GRIN2A: variants seen among roughly 807,000 people sequenced by gnomAD.
GRIN2A encodes glutamate receptor ionotropic, NMDA 2A.
GRIN2A carries 22 observed loss-of-function variants against 113.4 expected under a neutral mutation model. That is an observed-to-expected ratio of 0.19 (90% CI 0.14 to 0.28). The LOEUF is 0.28. GRIN2A is among the 10% of genes least tolerant of loss of function. The pLI is 1.00. For missense variants in GRIN2A, 1,502 were observed against 1,887.0 expected (o/e 0.80, Z 3.78); for synonymous variants, 827 against 738.4 (o/e 1.12, Z -1.94).
At chr16:9,999,691 TA>T (rs766034433) in intron 2 of GRIN2A, among the ~76,000 whole-genome samples, 9 of 152,034 alleles carry the variant, frequency 5.9e-5, no homozygotes, top group Non-Finnish European at 1.2e-4. Flanking sequence ...CATACCTCTT[TA>T]ACAAAACTGC....
intron 2 of GRIN2A, among the ~76,000 whole-genome samples, chr16:10,167,839 G>T (rs998048834): frequency 6.6e-6 from 1 of 152,162 alleles, no homozygotes; most frequent in Non-Finnish European, 1.5e-5. Flanking sequence ...TTTCTTTGGG[G>T]GGATGTGGGG....
intron 2 of GRIN2A, among the ~76,000 whole-genome samples, chr16:10,032,914 G>T (rs1479028879): frequency 6.6e-6 from 1 of 152,184 alleles, no homozygotes; most frequent in Non-Finnish European, 1.5e-5. Context: ...CCAATGGAGA[G>T]TTTCTTGTGT....
At chr16:9,985,887 A>T (rs1313783264) in intron 2 of GRIN2A, among the ~76,000 whole-genome samples, 2 of 152,194 alleles carry the variant, frequency 1.3e-5, no homozygotes, top group Non-Finnish European at 2.9e-5. Flanking sequence ...GAGGTGATGG[A>T]TACCCCATCT....
rs183526699 is a variant in GRIN2A, at chr16:10,141,098, G to T, written c.414+38900C>A. Among the ~76,000 whole-genome samples, 43 of 152,206 alleles carry T rather than the reference G, an allele frequency of 2.8e-4. No homozygotes were observed. In the South Asian group the frequency reaches 8.7e-3, roughly 31 times the overall value. ...AGTCCAAGCTACTCAGGAGGCTGAG[G>T]TGGGAGGATCGCTTGAACCCCGGAG... On this transcript the variant is annotated intron_variant, in intron 2 of 12. Transcript: ENST00000330684.
intron 2 of GRIN2A, among the ~76,000 whole-genome samples, chr16:10,163,390 G>T (rs1036588027): frequency 6.6e-6 from 1 of 152,078 alleles, no homozygotes; most frequent in Non-Finnish European, 1.5e-5. Flanking sequence ...CTTTTTCAGG[G>T]CATGGTTAAT....
At chr16:10,060,542 A>G (rs954130678) in intron 2 of GRIN2A, among the ~76,000 whole-genome samples, 8 of 152,230 alleles carry the variant, frequency 5.3e-5, no homozygotes, top group Non-Finnish European at 1.2e-4. Flanking sequence ...AAAGAGGATT[A>G]TCTGCTGTTC....
intron 2 of GRIN2A, among the ~76,000 whole-genome samples, chr16:9,977,405 T>C (rs528085828): frequency 1.3e-5 from 2 of 152,330 alleles, no homozygotes; most frequent in Non-Finnish European, 2.9e-5. Flanking sequence ...CTCCATTTCC[T>C]AATCTGTAAA....
chr16:9,793,380 A>C (rs1254836473), intron 11 of GRIN2A, among the ~76,000 whole-genome samples: 1 of 151,962 alleles, frequency 6.6e-6, no homozygotes, highest in African/African-American at 2.4e-5. Context: ...GCTTCTTCAA[A>C]CCCCACAATC....
intron 7 of GRIN2A, among the ~76,000 whole-genome samples, chr16:9,839,232 C>G (rs776808289): frequency 2.6e-5 from 4 of 152,046 alleles, no homozygotes; most frequent in Non-Finnish European, 5.9e-5. Flanking sequence ...TTATGATAAC[C>G]AAACAGTTAA....
At chr16:9,961,283 A>G (rs557524123) in intron 2 of GRIN2A, among the ~76,000 whole-genome samples, 119 of 149,676 alleles carry the variant, frequency 8.0e-4, no homozygotes, top group African/African-American at 2.9e-3. Context: ...AACCCAATAG[A>G]AGGTCACATG....
intron 2 of GRIN2A, among the ~76,000 whole-genome samples, chr16:10,108,757 C>T (rs1480942366): frequency 6.6e-6 from 1 of 152,168 alleles, no homozygotes; most frequent in Admixed American, 6.5e-5. Context: ...TCACCAAGCA[C>T]ATTACCATGT....
intron 2 of GRIN2A, among the ~76,000 whole-genome samples, chr16:10,155,289 G>C (rs1567337736): frequency 6.6e-6 from 1 of 152,134 alleles, no homozygotes; most frequent in African/African-American, 2.4e-5. Flanking sequence ...TGAGTTTGCA[G>C]GAAGAAGTTT....
chr16:9,919,929 A>C (rs1322809835), intron 3 of GRIN2A, among the ~76,000 whole-genome samples: 1 of 152,194 alleles, frequency 6.6e-6, no homozygotes, highest in East Asian at 1.9e-4. Context: ...CATTCACTTC[A>C]TCCAGGTATC....
intron 2 of GRIN2A, among the ~76,000 whole-genome samples, chr16:10,116,591 G>A (rs1364873583): frequency 2.0e-5 from 3 of 152,206 alleles, no homozygotes; most frequent in Non-Finnish European, 4.4e-5. Context: ...GGGGGGACAT[G>A]GTTTAGTTGG....
intron 2 of GRIN2A, among the ~76,000 whole-genome samples, chr16:9,981,208 C>T (rs1261675300): frequency 2.0e-5 from 3 of 152,140 alleles, no homozygotes; most frequent in Non-Finnish European, 4.4e-5. Flanking sequence ...CACTTACTGA[C>T]CAGGAGGATT....
intron 2 of GRIN2A, among the ~76,000 whole-genome samples, chr16:10,154,359 T>A (rs1345709173): frequency 1.3e-5 from 2 of 152,220 alleles, no homozygotes; most frequent in Non-Finnish European, 2.9e-5. Flanking sequence ...GATCCAGCTT[T>A]CCTGAAACCC....
chr16:9,908,451 C>T (rs1326854397), intron 3 of GRIN2A, among the ~76,000 whole-genome samples: 1 of 149,804 alleles, frequency 6.7e-6, no homozygotes, highest in South Asian at 2.1e-4. Flanking sequence ...AGTTTTTTTT[C>T]CCAAATAGCT....
At chr16:10,039,781 G>T (rs1206096383) in intron 2 of GRIN2A, among the ~76,000 whole-genome samples, 1 of 93,520 alleles carries the variant, frequency 1.1e-5, no homozygotes, top group Non-Finnish European at 2.2e-5. Context: ...AGAGGGAGGG[G>T]GAGGGGGAGG....
intron 2 of GRIN2A, among the ~76,000 whole-genome samples, chr16:10,087,443 C>G (rs1226594482): frequency 6.6e-6 from 1 of 152,188 alleles, no homozygotes; most frequent in African/African-American, 2.4e-5. Context: ...TCTTTTCCCT[C>G]TTCCATGAGA....
Sources: gnomAD v4.1 joint callset for allele counts (sites outside exome capture counted in the v4.1 genomes callset) on GRCh38, gnomAD v4.1.1 for gene constraint, MANE v1.5 for transcripts, NCBI Gene and HGNC (gene_info 2026-07-23, HGNC 2026-07-21) for gene names.